LIPA: variants seen among roughly 807,000 people sequenced by gnomAD.
The protein encoded by LIPA is lysosomal acid lipase/cholesteryl ester hydrolase.
In LIPA, 26 loss-of-function variants were observed where a neutral mutation model predicts 40.6. The ratio of observed to expected loss-of-function variants is 0.64; its 90% confidence interval spans 0.47 to 0.89. The LOEUF is 0.89. Ranked by LOEUF, LIPA falls within the 40% of genes least tolerant of loss-of-function variation. The pLI, the probability that LIPA is intolerant of heterozygous loss-of-function variation, is 0.00. For missense variants in LIPA, 455 were observed against 479.6 expected (o/e 0.95, Z 0.48); for synonymous variants, 188 against 168.4 (o/e 1.12, Z -0.90).
At chr10:89,266,647 G>A (rs1462279598) in intron 1 of LIPA, among the ~76,000 whole-genome samples, 1 of 152,144 alleles carries the variant, frequency 6.6e-6, no homozygotes, top group Non-Finnish European at 1.5e-5. Context: ...TGTACTTTGT[G>A]TTATCTTGAG....
intron 2 of LIPA, among the ~76,000 whole-genome samples, chr10:89,246,896 A>C (rs775646282): frequency 5.9e-5 from 9 of 152,338 alleles, no homozygotes; most frequent in Middle Eastern, 3.4e-3. Flanking sequence ...CAATAGCGGT[A>C]ATGTTCTTGC....
At chr10:89,231,949 A>G (rs2133442329) in intron 3 of LIPA, among the ~76,000 whole-genome samples, 1 of 152,302 alleles carries the variant, frequency 6.6e-6, no homozygotes, top group East Asian at 1.9e-4. Flanking sequence ...TTTACTACGA[A>G]AAATGTAAGT....
At chr10:89,264,227 G>A (rs1843224130) in intron 1 of LIPA, among the ~76,000 whole-genome samples, 1 of 152,220 alleles carries the variant, frequency 6.6e-6, no homozygotes, top group Non-Finnish European at 1.5e-5. Flanking sequence ...CATTCAGGGG[G>A]TCCTGAGTTC....
At chr10:89,247,136 T>C (rs1589572595) in intron 2 of LIPA, among the ~76,000 whole-genome samples, 3 of 151,964 alleles carry the variant, frequency 2.0e-5, no homozygotes, top group South Asian at 4.2e-4. Context: ...TTTGGGAGGC[T>C]GAGGTGGACA....
chr10:89,219,976 C>T (rs1368118197), intron 8 of LIPA, among the ~76,000 whole-genome samples: 3 of 152,222 alleles, frequency 2.0e-5, no homozygotes, highest in Non-Finnish European at 4.4e-5. Flanking sequence ...CTGGCCCTCA[C>T]CCTGCAGCCT....
At chr10:89,298,622 A>C (rs997546010) in intron 1 of LIPA, among the ~76,000 whole-genome samples, 14 of 152,178 alleles carry the variant, frequency 9.2e-5, no homozygotes, top group African/African-American at 3.4e-4. Flanking sequence ...AAAGCAAGGA[A>C]ATATGATACC....
intron 1 of LIPA, among the ~76,000 whole-genome samples, chr10:89,249,076 C>T (rs1180689786): frequency 1.3e-5 from 2 of 152,212 alleles, no homozygotes; most frequent in East Asian, 3.8e-4. Flanking sequence ...AGCTCTTCCT[C>T]CTACTTATCT....
At chr10:89,339,933 G>A (rs767501165) in intron 1 of LIPA, 7 of 1,614,192 alleles carry the variant, frequency 4.3e-6, no homozygotes, top group Middle Eastern at 1.7e-4. Flanking sequence ...TAATTCATAA[G>A]CAGAATGGAG....
intron 2 of LIPA, among the ~76,000 whole-genome samples, chr10:89,351,399 C>A (rs1285673423): frequency 6.6e-6 from 1 of 152,196 alleles, no homozygotes; most frequent in African/African-American, 2.4e-5. Flanking sequence ...TTTCAGATGG[C>A]CTAATCAGAG....
At chr10:89,334,493 T>C (rs1843701551) in intron 1 of LIPA, among the ~76,000 whole-genome samples, 1 of 91,646 alleles carries the variant, frequency 1.1e-5, no homozygotes, top group Non-Finnish European at 2.2e-5. Flanking sequence ...TTTTTTTTTT[T>C]TTTTTTTTTT....
At chr10:89,344,144 C>A (rs1465479175), upstream of LIPA, among the ~76,000 whole-genome samples, 2 of 152,094 alleles carry the variant, frequency 1.3e-5, no homozygotes, top group Non-Finnish European at 2.9e-5. Flanking sequence ...TTATGGTAGA[C>A]CAGATATACA....
At chr10:89,366,529 C>T (rs1458712373) in intron 2 of LIPA, among the ~76,000 whole-genome samples, 1 of 152,072 alleles carries the variant, frequency 6.6e-6, no homozygotes, top group African/African-American at 2.4e-5. Flanking sequence ...AAAACAGACA[C>T]TTCTCAAAAG....
chr10:89,298,569 A>G lies in LIPA; in HGVS notation c.-2+44042T>C, dbSNP rs115342920. ...AAAAATTGAAAGAAGTGACTATTAT[A>G]TTAGATGCTCAGATATCAGTGAAAG... On this transcript the variant is annotated intron_variant, in intron 1 of 5. Coordinates refer to the LIPA transcript ENST00000282673. Among the ~76,000 whole-genome samples, 1,075 of 152,362 alleles carry G rather than the reference A, an allele frequency of 7.1e-3. 10 individuals are homozygous for G. The highest frequency in any genetic ancestry group is 0.023 in the African/African-American group (974 of 41,570).
intron 2 of LIPA, among the ~76,000 whole-genome samples, chr10:89,395,319 C>T (rs757365758): frequency 1.1e-4 from 17 of 152,070 alleles, no homozygotes; most frequent in Non-Finnish European, 2.4e-4. Flanking sequence ...ACCTAGGTAA[C>T]GCCCTGGCCT....
chr10:89,388,818 A>G (rs1299789999), intron 2 of LIPA, among the ~76,000 whole-genome samples: 1 of 152,082 alleles, frequency 6.6e-6, no homozygotes, highest in African/African-American at 2.4e-5. Context: ...AAATGAGCTA[A>G]TAAAAATTCT....
intron 2 of LIPA, among the ~76,000 whole-genome samples, chr10:89,380,034 CA>C (rs750085635): frequency 1.2e-3 from 93 of 79,460 alleles, no homozygotes; most frequent in South Asian, 1.2e-3. Context: ...GACTCCGTCT[CA>C]AAAAAAAAAA....
chr10:89,367,248 C>A (rs536635675), intron 2 of LIPA, among the ~76,000 whole-genome samples: 1 of 152,148 alleles, frequency 6.6e-6, no homozygotes, highest in Non-Finnish European at 1.5e-5. Context: ...TGGTGCAGCA[C>A]ACCAACGTGG....
At chr10:89,282,796 A>T (rs1481521583) in intron 1 of LIPA, among the ~76,000 whole-genome samples, 1 of 152,234 alleles carries the variant, frequency 6.6e-6, no homozygotes, top group Non-Finnish European at 1.5e-5. Flanking sequence ...CAAGCAGTGC[A>T]TTTCAGAGTT....
chr10:89,356,089 C>T (rs1027691675), intron 2 of LIPA, among the ~76,000 whole-genome samples: 4 of 152,222 alleles, frequency 2.6e-5, no homozygotes, highest in Admixed American at 2.0e-4. Context: ...ACTCTGTGGA[C>T]TTGCCCTGAT....
Sources: allele counts gnomAD v4.1 joint callset (sites outside exome capture counted in the v4.1 genomes callset), GRCh38; gene constraint gnomAD v4.1.1; transcripts MANE v1.5; gene names NCBI Gene and HGNC (gene_info 2026-07-23, HGNC 2026-07-21).